Variants in PDZD2 observed in about 807,000 individuals in gnomAD.
PDZD2 encodes PDZ domain-containing protein 2.
In PDZD2, 90 loss-of-function variants were observed where a neutral mutation model predicts 220.7. The ratio of observed to expected loss-of-function variants is 0.41; its 90% CI spans 0.34 to 0.49. The LOEUF is 0.49. Among genes scored for constraint, PDZD2 ranks in the 20% least tolerant of loss-of-function variants. The probability of loss-of-function intolerance (pLI) is 0.28; values close to 1 mark genes in which losing one functional copy is unlikely to be tolerated. For synonymous variants in PDZD2, 1,375 were observed against 1,450.5 expected (o/e 0.95, Z 1.18); for missense variants, 3,174 against 3,608.5 (o/e 0.88, Z 3.08).
chr5:32,047,859 A>G (rs1282428599), intron 7 of PDZD2, among the ~76,000 whole-genome samples: 1 of 152,252 alleles, frequency 6.6e-6, no homozygotes, highest in Non-Finnish European at 1.5e-5. Context: ...TAAGAACAGG[A>G]GCCAGACAAA....
chr5:31,799,091 A>G lies in PDZD2; in HGVS notation c.-158A>G. 1 of 595,960 alleles carries G rather than the reference A, an allele frequency of 1.7e-6. No homozygotes were observed. The allele number at this position is 595,960 out of a possible 1,614,324, so 36.9% of individuals were successfully genotyped here. A position where few individuals can be genotyped will look rare whatever the true frequency, so the allele number is the denominator to read the frequency against. ...GCTTCCTCCTGCCAAGGCAAACAGC[A>G]TAGTCTCGAGTAGGTGTCCCTAGGC... On this transcript the variant is annotated 5_prime_UTR_variant, in exon 2 of 25. Transcript: ENST00000438447.
chr5:31,919,166 T>C (rs772408303), intron 2 of PDZD2, among the ~76,000 whole-genome samples: 8 of 152,206 alleles, frequency 5.3e-5, no homozygotes, highest in Non-Finnish European at 1.2e-4. Flanking sequence ...GCTTGACAAA[T>C]GCCCACTGTG....
At chr5:32,051,787 C>T (rs765378386) in intron 8 of PDZD2, among the ~76,000 whole-genome samples, 6 of 152,148 alleles carry the variant, frequency 3.9e-5, no homozygotes, top group Middle Eastern at 3.2e-3. Flanking sequence ...AAGCTGCTGC[C>T]GTCTCTCAGC....
chr5:31,858,425 C>T (rs1162892466), intron 2 of PDZD2, among the ~76,000 whole-genome samples: 1 of 151,080 alleles, frequency 6.6e-6, no homozygotes, highest in Non-Finnish European at 1.5e-5. Flanking sequence ...GATCTGACTC[C>T]ATCTTGCTTC....
intron 23 of PDZD2, chr5:32,099,596 TC>T (rs1744064428): frequency 6.6e-6 from 1 of 152,266 alleles, no homozygotes; most frequent in Non-Finnish European, 1.5e-5. Flanking sequence ...ACCTTGGTCA[TC>T]AGATCTTGTC....
intron 2 of PDZD2, among the ~76,000 whole-genome samples, chr5:31,934,683 A>G (rs1745571921): frequency 6.6e-6 from 1 of 151,852 alleles, no homozygotes; most frequent in Non-Finnish European, 1.5e-5. Flanking sequence ...ATTTAGAAGC[A>G]ATTTCAAAAA....
rs929184834 is a variant in PDZD2, at chr5:31,683,343, T to C, written c.-361+43906T>C. On this transcript the variant is annotated intron_variant, in intron 1 of 24. Coordinates refer to ENST00000438447, the MANE Select transcript of PDZD2 (RefSeq NM_178140.4). Reference sequence around the variant, plus strand: ...GGATCATATTCTTTGAAGTTTTATTTTCTAGTAATATTTGTAAGGGTGCTT... The same window carrying C: ...GGATCATATTCTTTGAAGTTTTATTCTCTAGTAATATTTGTAAGGGTGCTT... 9.2e-5 allele frequency among the ~76,000 whole-genome samples: 14 copies of C among 152,182 alleles called. 1 individual carries two copies. Among genetic ancestry groups the C allele is most frequent in the Non-Finnish European group, 4.4e-5 (3 of 68,050 alleles).
At chr5:31,783,672 A>T (rs1753192775) in intron 1 of PDZD2, among the ~76,000 whole-genome samples, 2 of 152,066 alleles carry the variant, frequency 1.3e-5, no homozygotes, top group Admixed American at 1.3e-4. Context: ...AATTCCCCAG[A>T]TCGGCAGCGT....
chr5:32,088,607 G>A lies in PDZD2; in HGVS notation c.5159G>A (p.Ser1720Asn). The change falls in exon 20 of 25, where the codon AGT becomes AAT. Residue 1720 changes from serine (S) to asparagine (N), a missense_variant. Transcript: ENST00000438447. The surrounding 1 kb of genome is among the most constrained non-coding windows in gnomAD (Gnocchi z 4.6). Reference sequence around the variant, plus strand: ...TCTAAAGTAGCCAGGCATTTTCACAGTCCGCCCATCATTCTCAGCTCCCCC... The same window carrying A: ...TCTAAAGTAGCCAGGCATTTTCACAATCCGCCCATCATTCTCAGCTCCCCC... Reference protein sequence around the residue: ...PLSKVARHFHSPPIILSSPNM... With the variant: ...PLSKVARHFHNPPIILSSPNM... 2 of 1,614,188 alleles carry A rather than the reference G, an allele frequency of 1.2e-6. No individual in the cohort carries two copies. Among genetic ancestry groups the A allele is most frequent in the Non-Finnish European group, 8.5e-7 (1 of 1,180,026 alleles).
At chr5:31,832,685 G>C (rs1265250044) in intron 2 of PDZD2, 1 of 152,074 alleles carries the variant, frequency 6.6e-6, no homozygotes. Context: ...GCACGGTGGC[G>C]GGCGCCTGTA....
intron 1 of PDZD2, among the ~76,000 whole-genome samples, chr5:31,704,062 G>T (rs143193608): frequency 1.2e-4 from 18 of 150,574 alleles, no homozygotes; most frequent in Non-Finnish European, 2.2e-4. Context: ...ACCCAGGCTG[G>T]AGTGCAGTGG....
At chr5:31,916,969 T>C (rs1743744914) in intron 2 of PDZD2, among the ~76,000 whole-genome samples, 1 of 151,990 alleles carries the variant, frequency 6.6e-6, no homozygotes, top group Non-Finnish European at 1.5e-5. Flanking sequence ...TGTGCAAATG[T>C]GGGGAACTTA....
Position 32,087,721 on chromosome 5 carries a change from A to T in PDZD2, c.4273A>T (p.Thr1425Ser). 6.2e-7 allele frequency: 1 copy of T among 1,614,012 alleles called. No homozygotes were observed. Among genetic ancestry groups the T allele is most frequent in the South Asian group, 1.1e-5 (1 of 91,074 alleles). Residue 1425 changes from threonine to serine, a missense_variant, in exon 20 of 25, where the codon ACG becomes TCG. Around this residue, in one of 4 missense-constraint regions of PDZD2, gnomAD observed 1,861 missense variants for 2,001.0 expected, o/e 0.93. Coordinates refer to ENST00000438447, the MANE Select transcript of PDZD2 (RefSeq NM_178140.4). The surrounding 1 kb of genome is among the most constrained non-coding windows in gnomAD (Gnocchi z 4.0). ...CPGGSRESPV[T>S]DIDSFIKELD... is the part of the protein sequence containing the mutation. Reference sequence around the variant, plus strand: ...AGGGGGGAGTAGAGAGAGCCCTGTGACGGACATTGACAGCTTCATCAAGGA... The same window carrying T: ...AGGGGGGAGTAGAGAGAGCCCTGTGTCGGACATTGACAGCTTCATCAAGGA...
At chr5:32,069,902 A>T (rs567762565) in intron 15 of PDZD2, among the ~76,000 whole-genome samples, 1 of 152,312 alleles carries the variant, frequency 6.6e-6, no homozygotes, top group South Asian at 2.1e-4. Flanking sequence ...GGTAAGTTAG[A>T]AGTGTTGCAT....
chr5:31,783,601 T>C (rs571372239), intron 1 of PDZD2, among the ~76,000 whole-genome samples: 3 of 152,298 alleles, frequency 2.0e-5, no homozygotes, highest in Non-Finnish European at 4.4e-5. Context: ...TTAAAGTATG[T>C]TGGAAATGCT....
intron 1 of PDZD2, among the ~76,000 whole-genome samples, chr5:31,644,088 C>T (rs1224528161): frequency 1.3e-5 from 2 of 152,190 alleles, no homozygotes; most frequent in African/African-American, 2.4e-5. Flanking sequence ...CCACCTCAGC[C>T]TCCCAAAGTG....
Position 32,089,898 on chromosome 5 carries a change from T to C in PDZD2, c.6450T>C (p.His2150=). The change falls in exon 20 of 25, where the codon CAT becomes CAC. Residue 2150 remains histidine, a synonymous_variant. Transcript: ENST00000438447. The part of the protein sequence containing the change: ...STSHPSSLPS[H]ASQAEQEMSR... ...GTCATCCATCCTCACTCCCATCTCA[T>C]GCCTCCCAGGCAGAGCAGGAAATGT... is the stretch of plus-strand genomic sequence containing the variant. 6.2e-7 allele frequency: 1 copy of C among 1,613,010 alleles called. No homozygotes were observed. The highest frequency in any genetic ancestry group is 8.5e-7 in the Non-Finnish European group (1 of 1,179,396).
chr5:31,670,049 G>A (rs1746155745), intron 1 of PDZD2, among the ~76,000 whole-genome samples: 1 of 152,204 alleles, frequency 6.6e-6, no homozygotes, highest in Non-Finnish European at 1.5e-5. Context: ...AGCAGCGGGT[G>A]AGGAATCTGA....
At chr5:32,093,135 G>A (rs1743329952) in intron 21 of PDZD2, 111 bp downstream of exon 21, 1 of 662,590 alleles carries the variant, frequency 1.5e-6, no homozygotes, top group South Asian at 1.9e-5. Flanking sequence ...CCTGGAGAGG[G>A]AGGACTGCCT....
Sources: gnomAD v4.1 joint callset for allele counts (sites outside exome capture counted in the v4.1 genomes callset) on GRCh38, gnomAD v4.1.1 for gene constraint, gnomAD v4.1.1 regional missense constraint, Gnocchi (gnomAD v3.1) non-coding constraint, MANE v1.5 for transcripts, NCBI Gene and HGNC (gene_info 2026-07-23, HGNC 2026-07-21) for gene names.